ANKRD30BL: variants seen among roughly 807,000 people sequenced by gnomAD.
ANKRD30BL encodes ankyrin repeat domain 30B like.
In ANKRD30BL, 20 loss-of-function variants were observed where a neutral mutation model predicts 18.4. The ratio of observed to expected loss-of-function variants is 1.09; its 90% CI spans 0.77 to 1.58. ANKRD30BL has a LOEUF of 1.58. ANKRD30BL is among the 40% of genes most tolerant of loss of function. ANKRD30BL has a pLI of 0.00. For synonymous variants in ANKRD30BL, 72 were observed against 100.9 expected (o/e 0.71, Z 1.72); for missense variants, 224 against 268.6 (o/e 0.83, Z 1.16).
chr2:132,199,328 G>A (rs1573834163), intron 1 of ANKRD30BL, among the ~76,000 whole-genome samples: 1 of 152,054 alleles, frequency 6.6e-6, no homozygotes, highest in East Asian at 1.9e-4. Context: ...CCACTGCACT[G>A]CAGCCTGGAG....
intron 1 of ANKRD30BL, among the ~76,000 whole-genome samples, chr2:132,159,600 T>C (rs967352717): frequency 6.6e-6 from 1 of 152,206 alleles, no homozygotes; most frequent in Non-Finnish European, 1.5e-5. Context: ...ATTGCTCAAT[T>C]ATAATTAGCG....
At chr2:132,217,573 G>A (rs542730249) in intron 1 of ANKRD30BL, among the ~76,000 whole-genome samples, 4 of 152,114 alleles carry the variant, frequency 2.6e-5, no homozygotes, top group Non-Finnish European at 5.9e-5. Flanking sequence ...TATTCGGACC[G>A]CTTTGAGGCA....
chr2:132,257,410 C>A (rs1680888833), intron 1 of ANKRD30BL: 3 of 322,244 alleles, frequency 9.3e-6, no homozygotes, highest in South Asian at 4.6e-5. Flanking sequence ...GACGCCGGCC[C>A]GGCCCGGCGG....
At chr2:132,202,436 T>C (rs1422699931) in intron 1 of ANKRD30BL, among the ~76,000 whole-genome samples, 1 of 130,870 alleles carries the variant, frequency 7.6e-6, no homozygotes, top group Non-Finnish European at 1.6e-5. Flanking sequence ...TTTTATCCTC[T>C]TTTTTTTTAC....
intron 1 of ANKRD30BL, among the ~76,000 whole-genome samples, chr2:132,208,159 G>T (rs1000863042): frequency 1.3e-5 from 2 of 151,934 alleles, no homozygotes; most frequent in African/African-American, 4.8e-5. Context: ...TGTACTGCAG[G>T]CCTCTGTAGT....
chr2:132,229,070 A>T (rs936140201), intron 1 of ANKRD30BL, among the ~76,000 whole-genome samples: 3 of 152,090 alleles, frequency 2.0e-5, no homozygotes, highest in Non-Finnish European at 4.4e-5. Flanking sequence ...CTAAGTGGAC[A>T]TTTGAAGGGC....
At chr2:132,194,474 G>A (rs898470383) in intron 1 of ANKRD30BL, among the ~76,000 whole-genome samples, 15 of 152,202 alleles carry the variant, frequency 9.9e-5, no homozygotes, top group African/African-American at 3.6e-4. Context: ...GAGCTACATG[G>A]GGATTGTATG....
chr2:132,189,885 G>GA (rs1036760390), intron 1 of ANKRD30BL, among the ~76,000 whole-genome samples: 12 of 150,548 alleles, frequency 8.0e-5, no homozygotes, highest in South Asian at 6.3e-4. Context: ...CAAGTGGAGA[G>GA]AAAAAAAAAT....
At chr2:132,170,939 G>C (rs1688267324) in intron 1 of ANKRD30BL, among the ~76,000 whole-genome samples, 1 of 152,146 alleles carries the variant, frequency 6.6e-6, no homozygotes, top group African/African-American at 2.4e-5. Flanking sequence ...GGCGGATCAC[G>C]TGGTGAGGAG....
At chr2:132,175,441 G>A (rs187585317) in intron 1 of ANKRD30BL, among the ~76,000 whole-genome samples, 15 of 152,308 alleles carry the variant, frequency 9.8e-5, no homozygotes, top group African/African-American at 2.9e-4. Flanking sequence ...CTGCCATAAG[G>A]TGGTTTTTCT....
intron 1 of ANKRD30BL, among the ~76,000 whole-genome samples, chr2:132,239,691 C>A (rs184584905): frequency 6.6e-6 from 1 of 151,552 alleles, no homozygotes; most frequent in Non-Finnish European, 1.5e-5. Flanking sequence ...GTGATGTTTG[C>A]ATTCTTCTCA....
chr2:132,251,143 T>C (rs1680637642), intron 1 of ANKRD30BL, among the ~76,000 whole-genome samples: 2 of 152,366 alleles, frequency 1.3e-5, no homozygotes, highest in African/African-American at 4.8e-5. Context: ...TTCAACTTTC[T>C]TTTGAAATAA....
rs575270086 is a variant in ANKRD30BL, at chr2:132,242,119, G to C, written n.441+15410C>G. Among the ~76,000 whole-genome samples, 26 of 151,624 alleles carry C rather than the reference G, an allele frequency of 1.7e-4. No homozygotes were observed. In the East Asian group the frequency reaches 4.8e-3, roughly 28 times the overall value. On this transcript the variant is annotated intron_variant and non_coding_transcript_variant, in intron 1 of 4. Coordinates refer to the ANKRD30BL transcript ENST00000470729. ...TTAAACATTTTTCTTAGATACAGCA[G>C]TTTTTAACCACTCTTCTTGTAGAAT...
chr2:132,149,629 A>G (rs1378056040), intron 5 of ANKRD30BL, among the ~76,000 whole-genome samples: 1 of 152,178 alleles, frequency 6.6e-6, no homozygotes, highest in African/African-American at 2.4e-5. Flanking sequence ...TCCAAATTCT[A>G]AAGATAGTTA....
intron 1 of ANKRD30BL, among the ~76,000 whole-genome samples, chr2:132,188,011 T>G (rs990185562): frequency 6.6e-5 from 10 of 152,182 alleles, no homozygotes; most frequent in African/African-American, 2.4e-4. Context: ...CCTCCCAAAG[T>G]ACTGGGATTA....
At chr2:132,225,405 G>A (rs796866626) in intron 1 of ANKRD30BL, among the ~76,000 whole-genome samples, 2 of 151,234 alleles carry the variant, frequency 1.3e-5, no homozygotes, top group Non-Finnish European at 2.9e-5. Context: ...CATACCTTAT[G>A]ATAGAGCAGT....
At chr2:132,243,421 T>C (rs10928318) in intron 1 of ANKRD30BL, among the ~76,000 whole-genome samples, 58,751 of 151,440 alleles carry the variant, frequency 0.39, 13,847 homozygotes, top group Middle Eastern at 0.55. Flanking sequence ...AGAAGAATTC[T>C]TACAAATTAC....
chr2:132,204,060 C>A (rs1178599874), intron 1 of ANKRD30BL, among the ~76,000 whole-genome samples: 4 of 151,884 alleles, frequency 2.6e-5, no homozygotes, highest in African/African-American at 9.7e-5. Context: ...ATCTGGTGCT[C>A]CAGGAATTTA....
intron 1 of ANKRD30BL, among the ~76,000 whole-genome samples, chr2:132,246,734 G>T (rs1680509954): frequency 6.6e-6 from 1 of 151,926 alleles, no homozygotes; most frequent in African/African-American, 2.4e-5. Context: ...GAATAGTTGT[G>T]AAACACTCCT....
Sources: allele counts gnomAD v4.1 joint callset (sites outside exome capture counted in the v4.1 genomes callset), GRCh38; gene constraint gnomAD v4.1.1; transcripts MANE v1.5; gene names NCBI Gene and HGNC (gene_info 2026-07-23, HGNC 2026-07-21).